Variants in PRPF40B observed in about 807,000 individuals in gnomAD.
PRPF40B encodes pre-mRNA-processing factor 40 homolog B.
In PRPF40B, 56 loss-of-function variants were observed where a neutral mutation model predicts 124.5. The observed-to-expected ratio is 0.45, with a 90% confidence interval of 0.36 to 0.56. PRPF40B has a LOEUF of 0.56. PRPF40B is among the 20% of genes least tolerant of loss of function. The pLI is 0.00. For missense variants in PRPF40B, 1,053 were observed against 1,169.5 expected (o/e 0.90, Z 1.45); for synonymous variants, 443 against 426.4 (o/e 1.04, Z -0.48).
intron 16 of PRPF40B, 130 bp from the exon 17 acceptor site, chr12:49,637,340 C>T (rs1941965833): frequency 6.2e-6 from 4 of 642,502 alleles, no homozygotes; most frequent in Middle Eastern, 2.5e-4. Context: ...TTCATCTCTG[C>T]CTCTCTTGCC....
At position 49,637,614 on chromosome 12, in the gene PRPF40B, C is replaced by T. The variant is rs756478016; in HGVS notation, c.1675+30C>T. ...GGCAGCCAGGCTCCCCCTTCTCTGG[C>T]CTGGCTTCCTGCCCTGCCAGCCTCT... is the stretch of plus-strand genomic sequence containing the variant. On this transcript the variant is annotated intron_variant, in intron 17 of 25. Coordinates refer to ENST00000548825, the MANE Select transcript of PRPF40B (RefSeq NM_001031698.3). The T allele has an allele frequency of 1.9e-6, 3 of 1,598,138 alleles. No homozygotes were observed. In the South Asian group the frequency reaches 3.3e-5, roughly 18 times the overall value.
chr12:49,639,158 T>C (rs1022477563), intron 18 of PRPF40B: 2 of 152,204 alleles, frequency 1.3e-5, no homozygotes, highest in African/African-American at 4.8e-5. Context: ...AACCGGGGAA[T>C]GATCAGATTA....
chr12:49,638,121 T>G, intron 18 of PRPF40B: 1 of 363,370 alleles, frequency 2.8e-6, no homozygotes, highest in South Asian at 3.2e-5. Context: ...AATTTGTAGG[T>G]GGAAGAGGTT....
rs771767945 is a variant in PRPF40B at position 49,632,907 on chromosome 12, T to C, written c.348+27T>C. 1.9e-6 allele frequency: 3 copies of C among 1,613,482 alleles called. No individual in the cohort carries two copies. In the East Asian group the frequency reaches 6.7e-5, roughly 36 times the overall value. On this transcript the variant is annotated intron_variant, in intron 6 of 25. Coordinates refer to ENST00000548825, the MANE Select transcript of PRPF40B (RefSeq NM_001031698.3). ...TGAGTTCTTCCAGCTCAGGGGTCTC[T>C]GGGTAGAAAGCCTGAGAGTGGGGGA...
intron 5 of PRPF40B, 56 bp from the exon 6 acceptor site, chr12:49,632,799 G>GA: frequency 5.6e-6 from 9 of 1,613,180 alleles, no homozygotes; most frequent in African/African-American, 5.3e-5. Flanking sequence ...GCATAGGTGG[G>GA]AATAAGATGG....
intron 18 of PRPF40B, 38 bp downstream of exon 18, chr12:49,637,862 A>C: frequency 6.6e-7 from 1 of 1,517,648 alleles, no homozygotes; most frequent in Non-Finnish European, 9.1e-7. Flanking sequence ...TACAGGATGG[A>C]TGCAGGGCAC....
At position 49,634,331 on chromosome 12, in the gene PRPF40B, G is replaced by C; in HGVS notation, c.813-1G>C. 1 of 1,614,196 alleles carries C rather than the reference G, an allele frequency of 6.2e-7. No individual in the cohort carries two copies. The highest frequency in any genetic ancestry group is 8.5e-7 in the Non-Finnish European group (1 of 1,180,028). Reference sequence around the variant, plus strand: ...GTGGCTGAGTCCCCTGTGCCCTCCAGTTCTGGACAGCATCAGCCACAGCAG... The same window carrying C: ...GTGGCTGAGTCCCCTGTGCCCTCCACTTCTGGACAGCATCAGCCACAGCAG... On this transcript the variant is annotated splice_acceptor_variant, in intron 10 of 25. Coordinates refer to ENST00000548825, the MANE Select transcript of PRPF40B (RefSeq NM_001031698.3). LOFTEE classifies it high-confidence loss of function.
Position 49,642,565 on chromosome 12 carries a change from C to T in PRPF40B, c.2023-15C>T. On this transcript the variant is annotated splice_polypyrimidine_tract_variant and intron_variant, in intron 20 of 25. Transcript: ENST00000548825. This position sits in a 1 kb window ranked among gnomAD's most constrained non-coding sequence, Gnocchi z 5.8. ...GTGGGGCCTAGTCTGATCAGCAGTG[C>T]TCTCCTCGTTCAAGGTCCGTGAGCG... 1 of 1,613,884 alleles carries T rather than the reference C, an allele frequency of 6.2e-7. No homozygotes were observed. Among genetic ancestry groups the T allele is most frequent in the Non-Finnish European group, 8.5e-7 (1 of 1,179,752 alleles).
chr12:49,644,191 G>T lies in PRPF40B; in HGVS notation c.2678G>T (p.Ter893LeuextTer37). The change falls in exon 26 of 26, where the codon TGA (stop) becomes TTA (leucine). Residue 893 changes from the stop codon to leucine (L), a stop_lost. Coordinates refer to ENST00000548825, the MANE Select transcript of PRPF40B (RefSeq NM_001031698.3). ...CTACAGCAGCTGGATGATCACCAGT[G>T]ACCCAATGAGCTGTTCTCTGCCTCG... is the stretch of plus-strand genomic sequence containing the variant. ...TLLQQLDDHQ* is the reference protein window; with the variant it reads ...TLLQQLDDHQL 6.2e-7 allele frequency: 1 copy of T among 1,614,046 alleles called. No homozygotes were observed. The highest frequency in any genetic ancestry group is 1.1e-5 in the South Asian group (1 of 91,070).
rs550527975 is a variant in PRPF40B, at chr12:49,643,153, G to A, written c.2206-70G>A. 1.2e-4 allele frequency: 197 copies of A among 1,597,550 alleles called. 1 individual carries two copies. In the African/African-American group the frequency reaches 1.8e-3, roughly 15 times the overall value. ...TGGCCCTGGGTCCTCCTCCTCTCTC[G>A]AATTCCCAGACGAGGGCTTCTGGAG... On this transcript the variant is annotated intron_variant, in intron 22 of 25. Transcript: ENST00000548825.
At position 49,643,737 on chromosome 12, in the gene PRPF40B, G is replaced by T; in HGVS notation, c.2427G>T (p.Lys809Asn). 6.2e-7 allele frequency: 1 copy of T among 1,614,122 alleles called. No homozygotes were observed. The highest frequency in any genetic ancestry group is 2.2e-5 in the East Asian group (1 of 44,886). ...KAKKPKKKTK[K>N]RRHKSNSPES... ...AGAAACCAAAAAAGAAAACTAAGAA[G>T]AGAAGACACAAGTCGGTGAGTGAAG... is the stretch of plus-strand genomic sequence containing the variant. The change falls in exon 24 of 26, where the codon AAG (lysine) becomes AAT (asparagine). Residue 809 changes from lysine to asparagine, a missense_variant. Physicochemically the swap from Lys to Asn is moderately conservative, Grantham distance 94. This residue lies in a region of PRPF40B where 895 missense variants were observed against 1,052.2 expected (regional missense o/e 0.85). Transcript: ENST00000548825.
intron 1 of PRPF40B, among the ~76,000 whole-genome samples, chr12:49,627,609 T>G (rs1940843607): frequency 1.3e-5 from 2 of 152,028 alleles, no homozygotes; most frequent in African/African-American, 2.4e-5. Context: ...ATTGGCAAGG[T>G]AGCTGGGTAG....
intron 1 of PRPF40B, among the ~76,000 whole-genome samples, chr12:49,628,148 G>T (rs1940891773): frequency 1.3e-5 from 2 of 152,226 alleles, no homozygotes; most frequent in Non-Finnish European, 2.9e-5. Context: ...GCAAGAGCAA[G>T]TCTGAATACA....
Position 49,634,519 on chromosome 12 carries a change from C to T in PRPF40B, c.937-19C>T. The T allele has an allele frequency of 1.2e-6, 2 of 1,614,228 alleles. No homozygotes were observed. The highest frequency in any genetic ancestry group is 1.7e-6 in the Non-Finnish European group (2 of 1,180,028). On this transcript the variant is annotated intron_variant, in intron 11 of 25. Transcript: ENST00000548825. Reference sequence around the variant, plus strand: ...CTGGAGCGGGGCAGGCCCCATGACTCCCACCTGCTTCATTCCAGGCTGTCC... The same window carrying T: ...CTGGAGCGGGGCAGGCCCCATGACTTCCACCTGCTTCATTCCAGGCTGTCC...
In PRPF40B at chr12:49,642,490, C is replaced by T; in HGVS notation, c.2023-90C>T. ...GGGCCAGCTCCAGTTCCCTTCCTTT[C>T]TCTGCCCCAGCCCTGCCCTGTGCTC... On this transcript the variant is annotated intron_variant, in intron 20 of 25. Transcript: ENST00000548825. The surrounding 1 kb of genome is among the most constrained non-coding windows in gnomAD (Gnocchi z 5.8). 2 of 1,578,086 alleles carry T rather than the reference C, an allele frequency of 1.3e-6. No individual in the cohort carries two copies. The highest frequency in any genetic ancestry group is 1.7e-6 in the Non-Finnish European group (2 of 1,149,862).
Position 49,643,851 on chromosome 12 carries a change from ACT to A in PRPF40B, c.2443-7_2443-6del. On this transcript the variant is annotated splice_polypyrimidine_tract_variant and splice_region_variant and intron_variant, in intron 24 of 25. Transcript: ENST00000548825. Reference sequence around the variant, plus strand: ...CAGGAACTGAGGAGGTGGGCTCTGGACTCTTACAGAATAGTCCTGAGAGTGAG... The same window carrying A: ...CAGGAACTGAGGAGGTGGGCTCTGGACTTACAGAATAGTCCTGAGAGTGAG... 1 of 1,614,076 alleles carries A rather than the reference ACT, an allele frequency of 6.2e-7. No homozygotes were observed. The highest frequency in any genetic ancestry group is 8.5e-7 in the Non-Finnish European group (1 of 1,179,980).
chr12:49,634,728 G>A (rs1941584735), intron 12 of PRPF40B, 126 bp downstream of exon 12: 2 of 1,191,692 alleles, frequency 1.7e-6, no homozygotes, highest in Non-Finnish European at 2.4e-6. Flanking sequence ...AGATTGGGTT[G>A]GGGTGCAAGG....
Position 49,631,456 on chromosome 12 carries a change from G to C in PRPF40B, c.140G>C (p.Ser47Thr). 6.8e-7 allele frequency: 1 copy of C among 1,477,604 alleles called. No individual in the cohort carries two copies. Among genetic ancestry groups the C allele is most frequent in the Non-Finnish European group, 9.0e-7 (1 of 1,109,834 alleles). The allele number at this position is 1,477,604 out of a possible 1,614,324, so 91.5% of individuals were successfully genotyped here. A position where few individuals can be genotyped will look rare whatever the true frequency, so the allele number is the denominator to read the frequency against. Residue 47 changes from serine (S) to threonine (T), a missense_variant, in exon 3 of 26, where the codon AGT becomes ACT. By Grantham distance (58) the Ser-to-Thr change is moderately conservative (BLOSUM62 1). Transcript: ENST00000548825. This position sits in a 1 kb window ranked among gnomAD's most constrained non-coding sequence, Gnocchi z 4.3. ...CCTCCGATGGGGCTACCCCCCATGA[G>C]TCAGAGACCACCAGCTATCCCCCCC... ...PFPPMGLPPM[S>T]QRPPAIPPMP...
chr12:49,637,129 C>T, intron 16 of PRPF40B: 1 of 581,144 alleles, frequency 1.7e-6, no homozygotes, highest in African/African-American at 1.9e-5. Context: ...GTTTATTTCC[C>T]TTGGTGGGGC....
Sources: gnomAD v4.1 joint callset for allele counts (sites outside exome capture counted in the v4.1 genomes callset) on GRCh38, gnomAD v4.1.1 for gene constraint, gnomAD v4.1.1 regional missense constraint, Gnocchi (gnomAD v3.1) non-coding constraint, MANE v1.5 for transcripts, NCBI Gene and HGNC (gene_info 2026-07-23, HGNC 2026-07-21) for gene names.